Variants in PAK4 observed in about 807,000 individuals in gnomAD.
The protein encoded by PAK4 is serine/threonine-protein kinase PAK 4.
A neutral mutation model predicts 53.5 loss-of-function variants in PAK4; 49 were observed. The observed-to-expected ratio is 0.92, with a 90% CI of 0.73 to 1.16. The LOEUF is 1.16. Among genes scored for constraint, PAK4 ranks in the 50% most tolerant of loss-of-function variants. PAK4 has a pLI of 0.00. For missense variants in PAK4, 824 were observed against 850.7 expected, an observed-to-expected ratio of 0.97 and a Z score of 0.39; for synonymous variants, 376 against 375.6, an observed-to-expected ratio of 1.00 and a Z score of -0.01.
At chr19:39,151,801 C>G (rs1039267852) in intron 1 of PAK4, among the ~76,000 whole-genome samples, 2 of 152,198 alleles carry the variant, frequency 1.3e-5, no homozygotes, top group African/African-American at 2.4e-5. Context: ...GAGATGGACT[C>G]TCTGTCACCC....
intron 1 of PAK4, among the ~76,000 whole-genome samples, chr19:39,141,626 T>C (rs2073910978): frequency 1.3e-5 from 2 of 150,720 alleles, no homozygotes; most frequent in Admixed American, 6.6e-5. Flanking sequence ...ATAATCCTTT[T>C]TCATTTGTTT....
chr19:39,172,957 C>T (rs1438969944), exon 3 of PAK4: 2 of 1,545,816 alleles, frequency 1.3e-6, no homozygotes, highest in Non-Finnish European at 1.7e-6. Context: ...AGATGGGGCC[C>T]TCACGCTGCT....
intron 1 of PAK4, among the ~76,000 whole-genome samples, chr19:39,143,268 T>A (rs1242599845): frequency 6.8e-6 from 1 of 146,000 alleles, no homozygotes; most frequent in Non-Finnish European, 1.5e-5. Flanking sequence ...TAAGGAGTCG[T>A]TGCTCACTGG....
chr19:39,148,962 A>G (rs1406862942), intron 1 of PAK4, among the ~76,000 whole-genome samples: 1 of 152,146 alleles, frequency 6.6e-6, no homozygotes, highest in Non-Finnish European at 1.5e-5. Flanking sequence ...CACAAGAATC[A>G]GTTACCACGA....
intron 1 of PAK4, among the ~76,000 whole-genome samples, chr19:39,163,868 C>A (rs897791819): frequency 6.6e-6 from 1 of 152,136 alleles, no homozygotes; most frequent in Non-Finnish European, 1.5e-5. Flanking sequence ...CGGACAGGGA[C>A]GATCATTCCA....
chr19:39,172,720 C>T (rs754237158), intron 2 of PAK4, among the ~76,000 whole-genome samples, 198 bp from the exon 4 acceptor site: 2 of 152,118 alleles, frequency 1.3e-5, no homozygotes, highest in East Asian at 1.9e-4. Context: ...GGCGATCACT[C>T]CTCTGGCCCC....
intron 1 of PAK4, among the ~76,000 whole-genome samples, chr19:39,133,864 G>C (rs2073760573): frequency 6.6e-6 from 1 of 152,176 alleles, no homozygotes; most frequent in South Asian, 2.1e-4. Context: ...CGGTCTTCCT[G>C]GGCTGCGTGG....
intron 2 of PAK4, among the ~76,000 whole-genome samples, chr19:39,172,008 C>T (rs2074489517): frequency 6.6e-6 from 1 of 152,220 alleles, no homozygotes; most frequent in East Asian, 1.9e-4. Flanking sequence ...TGCTCTGTAT[C>T]AGCTGCTGTT....
chr19:39,146,657 T>TG (rs1600336471), intron 1 of PAK4, among the ~76,000 whole-genome samples: 1 of 151,928 alleles, frequency 6.6e-6, no homozygotes, highest in Admixed American at 6.6e-5. Flanking sequence ...CTGGGCAACC[T>TG]GGGGAGACAC....
intron 1 of PAK4, among the ~76,000 whole-genome samples, chr19:39,131,616 A>AG (rs2073712585): frequency 6.6e-6 from 1 of 152,192 alleles, no homozygotes; most frequent in Admixed American, 6.5e-5. Context: ...GAGGGTGAGA[A>AG]GGGGAACACT....
intron 1 of PAK4, among the ~76,000 whole-genome samples, chr19:39,158,103 C>T (rs1476908839): frequency 2.7e-5 from 4 of 150,506 alleles, no homozygotes; most frequent in African/African-American, 4.9e-5. Context: ...TGTGTGCATG[C>T]ATGTGAGCAT....
chr19:39,154,276 C>T (rs2074139998), intron 1 of PAK4, among the ~76,000 whole-genome samples: 2 of 152,156 alleles, frequency 1.3e-5, no homozygotes, highest in Admixed American at 6.5e-5. Context: ...CTGCTAAGCT[C>T]CTGCCAAATG....
At chr19:39,174,298 G>T (rs905899019) in intron 4 of PAK4, among the ~76,000 whole-genome samples, 4 of 151,516 alleles carry the variant, frequency 2.6e-5, no homozygotes, top group African/African-American at 9.7e-5. Flanking sequence ...ACTGAGGCCC[G>T]CCTGGGCTCC....
At chr19:39,155,036 C>T (rs1325613735) in intron 1 of PAK4, among the ~76,000 whole-genome samples, 1 of 152,214 alleles carries the variant, frequency 6.6e-6, no homozygotes, top group East Asian at 1.9e-4. Flanking sequence ...GAGTTGGCTG[C>T]AGGGGCAGGG....
chr19:39,137,860 G>A (rs904778570), intron 1 of PAK4, among the ~76,000 whole-genome samples: 1 of 151,932 alleles, frequency 6.6e-6, no homozygotes, highest in African/African-American at 2.4e-5. Context: ...TAGAGATGAG[G>A]CTTTGCCGTG....
intron 1 of PAK4, among the ~76,000 whole-genome samples, chr19:39,155,184 C>A (rs538555192): frequency 5.3e-5 from 8 of 152,300 alleles, no homozygotes; most frequent in African/African-American, 1.7e-4. Flanking sequence ...GCCTTGGTCC[C>A]TACCGCCTAC....
chr19:39,151,406 G>C (rs954515393), intron 1 of PAK4, among the ~76,000 whole-genome samples: 1 of 152,378 alleles, frequency 6.6e-6, no homozygotes, highest in East Asian at 1.9e-4. Context: ...TGGCACCGCC[G>C]AGGGGCTGTG....
At chr19:39,148,465 G>GTTTTTTTTTTTTTTT (rs1568506439) in intron 1 of PAK4, among the ~76,000 whole-genome samples, 2 of 9,126 alleles carry the variant, frequency 2.2e-4, no homozygotes, top group African/African-American at 7.9e-4. Context: ...AGTTTCTTCT[G>GTTTTTTTTTTTTTTT]CTTTTTTTTT....
At chr19:39,133,404 C>A (rs1300868868) in intron 1 of PAK4, among the ~76,000 whole-genome samples, 1 of 152,158 alleles carries the variant, frequency 6.6e-6, no homozygotes, top group African/African-American at 2.4e-5. Context: ...ACCTACTGGA[C>A]CCTCCCATCA....
Sources: gnomAD v4.1 joint callset for allele counts (sites outside exome capture counted in the v4.1 genomes callset) on GRCh38, gnomAD v4.1.1 for gene constraint, MANE v1.5 for transcripts, NCBI Gene and HGNC (gene_info 2026-07-23, HGNC 2026-07-21) for gene names.